The following MATCAP2 variants were observed in gnomAD, a reference collection of about 807,000 sequenced individuals.
The protein encoded by MATCAP2 is microtubule associated tyrosine carboxypeptidase 2, also known as putative tyrosine carboxypeptidase MATCAP2.
the MATCAP2 span, among the ~76,000 whole-genome samples, chr7:36,381,300 T>C: frequency 6.6e-6 from 1 of 152,028 alleles, no homozygotes; most frequent in African/African-American, 2.4e-5. Context: ...AGTCCATGTG[T>C]GGTCATACAT....
the MATCAP2 span, among the ~76,000 whole-genome samples, chr7:36,359,874 G>A: frequency 1.3e-5 from 2 of 152,124 alleles, no homozygotes; most frequent in Non-Finnish European, 1.5e-5. Flanking sequence ...TCCCTCAAAC[G>A]ACACCACAAG....
the MATCAP2 span, among the ~76,000 whole-genome samples, chr7:36,348,348 A>G: frequency 6.6e-6 from 1 of 152,202 alleles, no homozygotes; most frequent in Non-Finnish European, 1.5e-5. Flanking sequence ...GTAGTCACAC[A>G]CTAAAATCCC....
chr7:36,355,305 G>A, the MATCAP2 span: 1 of 152,058 alleles, frequency 6.6e-6, no homozygotes, highest in Non-Finnish European at 1.5e-5. Flanking sequence ...TCCTAAAGTA[G>A]GTATTTTCTT....
At chr7:36,354,702 T>C in the MATCAP2 span, among the ~76,000 whole-genome samples, 2 of 152,248 alleles carry the variant, frequency 1.3e-5, no homozygotes, top group African/African-American at 4.8e-5. Context: ...CATGTATTTC[T>C]TTGATTAAAG....
chr7:36,371,442 T>C, the MATCAP2 span, among the ~76,000 whole-genome samples: 1 of 152,222 alleles, frequency 6.6e-6, no homozygotes, highest in Non-Finnish European at 1.5e-5. Flanking sequence ...ACTACTCATG[T>C]TAATCTCTAT....
At chr7:36,369,037 T>A in the MATCAP2 span, among the ~76,000 whole-genome samples, 5 of 152,210 alleles carry the variant, frequency 3.3e-5, no homozygotes, top group Non-Finnish European at 5.9e-5. Flanking sequence ...TTATATATTT[T>A]ATTGATTTAT....
At chr7:36,361,769 G>A in the MATCAP2 span, among the ~76,000 whole-genome samples, 1 of 152,136 alleles carries the variant, frequency 6.6e-6, no homozygotes, top group Middle Eastern at 3.4e-3. Flanking sequence ...ACCTCAAACA[G>A]TATCAACAGT....
At chr7:36,374,827 TG>T in the MATCAP2 span, among the ~76,000 whole-genome samples, 2 of 152,206 alleles carry the variant, frequency 1.3e-5, no homozygotes, top group Non-Finnish European at 2.9e-5. Context: ...CTCAGAATGA[TG>T]GTTTCCAGCT....
the MATCAP2 span, among the ~76,000 whole-genome samples, chr7:36,336,695 T>C: frequency 1.2e-4 from 19 of 152,066 alleles, no homozygotes; most frequent in African/African-American, 4.6e-4. Context: ...TAGATTACCA[T>C]TGCCCTTTGA....
At chr7:36,360,569 A>G in the MATCAP2 span, among the ~76,000 whole-genome samples, 1 of 152,212 alleles carries the variant, frequency 6.6e-6, no homozygotes, top group South Asian at 2.1e-4. Flanking sequence ...TGAAGTTCAT[A>G]AAAGTGGGGC....
At chr7:36,344,514 GT>G in the MATCAP2 span, among the ~76,000 whole-genome samples, 4 of 152,124 alleles carry the variant, frequency 2.6e-5, no homozygotes, top group African/African-American at 9.7e-5. Flanking sequence ...ACTTTTCTAA[GT>G]TTTTATACTG....
At chr7:36,389,361 A>G in the MATCAP2 span, among the ~76,000 whole-genome samples, 1 of 151,072 alleles carries the variant, frequency 6.6e-6, no homozygotes, top group Non-Finnish European at 1.5e-5. Context: ...AGGGCTCTTA[A>G]TCCTTTTTTT....
chr7:36,341,300 A>G, the MATCAP2 span, among the ~76,000 whole-genome samples: 1 of 144,884 alleles, frequency 6.9e-6, no homozygotes, highest in Non-Finnish European at 1.5e-5. Flanking sequence ...ATCTCCCAAT[A>G]TAATATATAA....
the MATCAP2 span, among the ~76,000 whole-genome samples, chr7:36,336,696 T>C: frequency 6.6e-6 from 1 of 152,002 alleles, no homozygotes; most frequent in Non-Finnish European, 1.5e-5. Context: ...AGATTACCAT[T>C]GCCCTTTGAA....
the MATCAP2 span, among the ~76,000 whole-genome samples, chr7:36,361,628 T>G: frequency 2.6e-5 from 4 of 152,206 alleles, no homozygotes; most frequent in African/African-American, 9.7e-5. Flanking sequence ...CAGTGGCACA[T>G]GCCTGTAGTC....
the MATCAP2 span, among the ~76,000 whole-genome samples, chr7:36,346,523 C>G: frequency 4.6e-5 from 7 of 152,168 alleles, no homozygotes; most frequent in African/African-American, 1.7e-4. Flanking sequence ...AAGCCAGTCA[C>G]AAAGGACCAC....
At chr7:36,367,233 T>G in the MATCAP2 span, 1 of 1,115,580 alleles carries the variant, frequency 9.0e-7, no homozygotes, top group Non-Finnish European at 1.1e-6. Flanking sequence ...CGCCGGTTGC[T>G]AGGAAACTGC....
At chr7:36,357,570 G>A in the MATCAP2 span, 2 of 1,611,808 alleles carry the variant, frequency 1.2e-6, no homozygotes, top group East Asian at 4.5e-5. Context: ...GCAAGTTCTT[G>A]CTCAGGCCAG....
At chr7:36,367,483 T>A in the MATCAP2 span, among the ~76,000 whole-genome samples, 66 of 152,226 alleles carry the variant, frequency 4.3e-4, 2 homozygotes, top group South Asian at 5.4e-3. Flanking sequence ...AAAGGTGACT[T>A]AACTCCATGG....
Sources: gnomAD v4.1 joint callset for allele counts (sites outside exome capture counted in the v4.1 genomes callset) on GRCh38, gnomAD v4.1.1 for gene constraint, MANE v1.5 for transcripts, NCBI Gene and HGNC (gene_info 2026-07-23, HGNC 2026-07-21) for gene names.